SHANK2: variants seen among roughly 807,000 people sequenced by gnomAD.
SHANK2 encodes the protein SH3 and multiple ankyrin repeat domains 2, also known as SH3 and multiple ankyrin repeat domains protein 2.
SHANK2 carries 43 observed loss-of-function variants against 133.7 expected under a neutral mutation model. The observed-to-expected ratio is 0.32, with a 90% CI of 0.25 to 0.41. The LOEUF (loss-of-function observed/expected upper bound fraction) is 0.41. Ranked by LOEUF, SHANK2 falls within the 10% of genes least tolerant of loss-of-function variation. SHANK2 has a pLI of 1.00. For missense variants in SHANK2, 1,994 were observed against 2,235.8 expected (o/e 0.89, Z 2.18); for synonymous variants, 1,017 against 952.8 (o/e 1.07, Z -1.24).
At chr11:70,816,647 C>T (rs1321288430) in intron 12 of SHANK2, among the ~76,000 whole-genome samples, 1 of 152,102 alleles carries the variant, frequency 6.6e-6, no homozygotes, top group Non-Finnish European at 1.5e-5. Flanking sequence ...CTTTGAGCTT[C>T]GAGGATGAAC....
chr11:71,247,271 T>C (rs1008047797), intron 1 of SHANK2, among the ~76,000 whole-genome samples: 3 of 152,156 alleles, frequency 2.0e-5, no homozygotes, highest in Non-Finnish European at 2.9e-5. Flanking sequence ...AATATCGATA[T>C]TTACCTCACA....
intron 12 of SHANK2, among the ~76,000 whole-genome samples, chr11:70,811,346 A>G (rs1555053166): frequency 6.6e-6 from 1 of 152,070 alleles, no homozygotes; most frequent in African/African-American, 2.4e-5. Context: ...TCCACACCCA[A>G]AGAGCTCCTG....
At chr11:70,711,903 G>A (rs1027730009) in intron 14 of SHANK2, among the ~76,000 whole-genome samples, 5 of 152,194 alleles carry the variant, frequency 3.3e-5, no homozygotes, top group African/African-American at 4.8e-5. Context: ...CCAGGCACAC[G>A]TCACAGCACA....
At chr11:71,079,134 G>A (rs1242776897) in intron 8 of SHANK2, among the ~76,000 whole-genome samples, 1 of 152,250 alleles carries the variant, frequency 6.6e-6, no homozygotes, top group Non-Finnish European at 1.5e-5. Flanking sequence ...AAGGTGTGAT[G>A]CTGACAGCAC....
At chr11:71,220,201 A>G (rs1047899985) in intron 2 of SHANK2, among the ~76,000 whole-genome samples, 1 of 152,100 alleles carries the variant, frequency 6.6e-6, no homozygotes, top group African/African-American at 2.4e-5. Flanking sequence ...TGCCACTGCA[A>G]TCCAGCCTGG....
intron 8 of SHANK2, among the ~76,000 whole-genome samples, chr11:71,081,305 G>T (rs1951297681): frequency 6.6e-6 from 1 of 152,200 alleles, no homozygotes; most frequent in South Asian, 2.1e-4. Flanking sequence ...CTTTGCAGTG[G>T]CAGCCCTATG....
In SHANK2 at chr11:70,806,527, A is replaced by C. The variant is rs997570936; in HGVS notation, c.1663+475T>G. The stretch of plus-strand genomic sequence containing the variant: ...ACAATGGCCCCCCCAGAGGCTTCTC[A>C]ACGCTGGTTCTCAGGATTCTGCTTT... On this transcript the variant is annotated intron_variant, in intron 13 of 25. Coordinates refer to ENST00000601538, the MANE Select transcript of SHANK2 (RefSeq NM_012309.5). Among the ~76,000 whole-genome samples the C allele has an allele frequency of 4.6e-5, 7 of 152,262 alleles. No individual in the cohort carries two copies. The East Asian group carries it at 5.8e-4, about 13-fold the overall frequency.
chr11:71,197,613 T>G (rs1953932481), intron 2 of SHANK2, among the ~76,000 whole-genome samples: 1 of 152,230 alleles, frequency 6.6e-6, no homozygotes, highest in Non-Finnish European at 1.5e-5. Context: ...ATTTTAGATT[T>G]TGTCTGCATC....
chr11:70,665,802 G>A (rs1555014714), intron 15 of SHANK2, among the ~76,000 whole-genome samples: 1 of 152,210 alleles, frequency 6.6e-6, no homozygotes, highest in African/African-American at 2.4e-5. Context: ...TGCTCCATGA[G>A]CAGGAGGCTC....
At position 71,113,361 on chromosome 11, in the gene SHANK2, G is replaced by A. The variant is rs1205314621; in HGVS notation, c.415C>T (p.Arg139Ter). 24 of 1,551,358 alleles carry A rather than the reference G, an allele frequency of 1.5e-5. No individual in the cohort carries two copies. The highest frequency in any genetic ancestry group is 2.0e-5 in the Non-Finnish European group (23 of 1,146,926). The change falls in exon 5 of 26, where the codon CGA becomes TGA. Residue 139 changes from arginine to a stop codon, truncating the protein, a stop_gained. Transcript: ENST00000601538. LOFTEE classifies it high-confidence loss of function. The part of the protein sequence containing the change: ...VGEGVPSLEF[R>*]YKKRVYKQAS... ...TGTTTATACACCCGCTTCTTGTATC[G>A]AAACTGGCACAGAAAACAAAAAAGA...
At chr11:70,827,000 A>AT (rs1203230794) in intron 11 of SHANK2, among the ~76,000 whole-genome samples, 3 of 152,200 alleles carry the variant, frequency 2.0e-5, no homozygotes, top group East Asian at 1.9e-4. Context: ...TTAAAAAAAA[A>AT]TTTTTTTAAA....
At chr11:70,752,218 G>A (rs1555037554) in intron 14 of SHANK2, among the ~76,000 whole-genome samples, 2 of 151,822 alleles carry the variant, frequency 1.3e-5, no homozygotes, top group Non-Finnish European at 2.9e-5. Flanking sequence ...CCAATCAGAT[G>A]GACTTTCAGA....
At chr11:71,067,910 A>G (rs1282261020) in intron 9 of SHANK2, among the ~76,000 whole-genome samples, 3 of 151,526 alleles carry the variant, frequency 2.0e-5, no homozygotes. Flanking sequence ...CACTATCATC[A>G]TCAATATCAC....
chr11:70,621,991 G>A (rs2060835396), intron 17 of SHANK2, among the ~76,000 whole-genome samples: 1 of 152,084 alleles, frequency 6.6e-6, no homozygotes, highest in African/African-American at 2.4e-5. Context: ...TGTCCACACG[G>A]TGCCGGGAGG....
chr11:70,565,215 T>TCATCCATCCATCCATC (rs56072142), intron 17 of SHANK2, among the ~76,000 whole-genome samples: 39 of 149,122 alleles, frequency 2.6e-4, no homozygotes, highest in African/African-American at 9.2e-4. Flanking sequence ...GGAAGCAGTT[T>TCATCCATCCATCCATC]CATCCATCCA....
intron 2 of SHANK2, among the ~76,000 whole-genome samples, chr11:71,221,952 G>C (rs892720247): frequency 6.6e-6 from 1 of 152,126 alleles, no homozygotes; most frequent in African/African-American, 2.4e-5. Context: ...GGGTCCCTTG[G>C]TGGCTCCTGT....
intron 14 of SHANK2, among the ~76,000 whole-genome samples, chr11:70,791,219 C>G (rs1947779688): frequency 6.6e-6 from 1 of 152,228 alleles, no homozygotes; most frequent in Non-Finnish European, 1.5e-5. Flanking sequence ...CACCCAACCT[C>G]CTTTTCACAA....
intron 17 of SHANK2, among the ~76,000 whole-genome samples, chr11:70,654,893 G>C (rs781825098): frequency 4.0e-5 from 6 of 151,586 alleles, no homozygotes; most frequent in Non-Finnish European, 7.4e-5. Context: ...TCAGCCTCCT[G>C]AGTAGCTGGG....
intron 10 of SHANK2, among the ~76,000 whole-genome samples, chr11:70,954,195 T>G (rs1012438611): frequency 6.6e-6 from 1 of 152,212 alleles, no homozygotes; most frequent in Non-Finnish European, 1.5e-5. Flanking sequence ...ACAGTCTTGT[T>G]GGGGCTCATT....
Sources: gnomAD v4.1 joint callset for allele counts (sites outside exome capture counted in the v4.1 genomes callset) on GRCh38, gnomAD v4.1.1 for gene constraint, MANE v1.5 for transcripts, NCBI Gene and HGNC (gene_info 2026-07-23, HGNC 2026-07-21) for gene names.